TENM1: variants seen among roughly 807,000 people sequenced by gnomAD.
TENM1 encodes the protein teneurin-1.
Under a neutral mutation model 174.8 loss-of-function variants are expected in TENM1, and 35 were observed. The ratio of observed to expected loss-of-function variants is 0.20; its 90% CI spans 0.15 to 0.27. The LOEUF is 0.27. Ranked by LOEUF, TENM1 falls within the 10% of genes least tolerant of loss-of-function variation. TENM1 has a pLI of 1.00. For missense variants in TENM1, 1,633 were observed against 2,130.1 expected (o/e 0.77, Z 4.59); for synonymous variants, 781 against 798.7 (o/e 0.98, Z 0.37).
chrX:124,915,343 G>A (rs1382333501), intron 1 of TENM1, among the ~76,000 whole-genome samples: 1 of 111,766 alleles, frequency 8.9e-6, no homozygotes, highest in African/African-American at 3.3e-5. Flanking sequence ...TGGCCAACAT[G>A]GTGAAACCCT....
At chrX:124,978,748 T>C in the TENM1 span, among the ~76,000 whole-genome samples, 1 of 112,006 alleles carries the variant, frequency 8.9e-6, no homozygotes, top group Admixed American at 9.5e-5. Context: ...ACAATGGATC[T>C]GTGTGTGGGA....
chrX:124,957,456 C>T (rs1302080561), intron 1 of TENM1, among the ~76,000 whole-genome samples: 6 of 109,601 alleles, frequency 5.5e-5, no homozygotes, highest in East Asian at 2.9e-4. Flanking sequence ...TGGTGGCACA[C>T]GCCTGTAATC....
At chrX:124,774,976 A>G (rs1204382156) in intron 3 of TENM1, among the ~76,000 whole-genome samples, 1 of 111,142 alleles carries the variant, frequency 9.0e-6, no homozygotes, top group East Asian at 2.8e-4. Context: ...ACTCTAGCAC[A>G]TCTTATTCCA....
chrX:125,117,882 G>C, the TENM1 span, among the ~76,000 whole-genome samples: 1 of 111,148 alleles, frequency 9.0e-6, no homozygotes, highest in African/African-American at 3.3e-5. Flanking sequence ...TCTACCCAAA[G>C]TAAGATAAAT....
intron 3 of TENM1, among the ~76,000 whole-genome samples, chrX:124,820,592 C>T (rs992886837): frequency 8.9e-6 from 1 of 112,319 alleles, no homozygotes; most frequent in African/African-American, 3.2e-5. Context: ...GTGAACTCCT[C>T]ACACTTGTAC....
At chrX:125,172,078 A>G in the TENM1 span, among the ~76,000 whole-genome samples, 2 of 111,939 alleles carry the variant, frequency 1.8e-5, no homozygotes, top group Non-Finnish European at 3.8e-5. Context: ...AAAGAGAATT[A>G]GACAAGCATA....
intron 14 of TENM1, among the ~76,000 whole-genome samples, chrX:124,555,158 C>T (rs2048665874): frequency 9.0e-6 from 1 of 111,345 alleles, no homozygotes. Context: ...TGGCCCCTGA[C>T]TACTTTTCTA....
intron 1 of TENM1, among the ~76,000 whole-genome samples, chrX:124,896,458 C>T (rs2057564226): frequency 9.0e-6 from 1 of 111,252 alleles, no homozygotes; most frequent in Admixed American, 9.6e-5. Flanking sequence ...TTACAAGGTT[C>T]TGGAAAAAGC....
the TENM1 span, among the ~76,000 whole-genome samples, chrX:125,159,611 G>C: frequency 8.9e-6 from 1 of 112,037 alleles, no homozygotes. Context: ...GTCAGTACCT[G>C]AAAATTTTGA....
chrX:124,952,958 G>T (rs2058512923), intron 1 of TENM1, among the ~76,000 whole-genome samples: 1 of 111,678 alleles, frequency 9.0e-6, no homozygotes, highest in African/African-American at 3.3e-5. Flanking sequence ...TGAGAATATT[G>T]TCAAGGTCTC....
At position 124,440,488 on chromosome X, in the gene TENM1, C is replaced by T. The variant is rs1179770610; in HGVS notation, c.4104+12849G>A. 7.2e-5 allele frequency among the ~76,000 whole-genome samples: 8 copies of T among 111,395 alleles called. No individual in the cohort carries two copies. The Admixed American group carries it at 7.6e-4, about 11-fold the overall frequency. On this transcript the variant is annotated intron_variant, in intron 23 of 31. Transcript: ENST00000422452. ...GCCTTCATAAGGAGGAATAATTAAC[C>T]AGCTCCAAAATTCTAGTGTCAGTTT... is the stretch of plus-strand genomic sequence containing the variant.
intron 3 of TENM1, among the ~76,000 whole-genome samples, chrX:124,832,990 C>A (rs1412382080): frequency 9.0e-6 from 1 of 111,450 alleles, no homozygotes; most frequent in East Asian, 2.8e-4. Context: ...TGCATTTTGA[C>A]CATTAAGGCA....
intron 11 of TENM1, among the ~76,000 whole-genome samples, chrX:124,622,735 G>A (rs1488691712): frequency 9.0e-6 from 1 of 110,572 alleles, no homozygotes; most frequent in Non-Finnish European, 1.9e-5. Context: ...TTAATACACT[G>A]TGATATTGCT....
intron 11 of TENM1, among the ~76,000 whole-genome samples, chrX:124,574,477 A>G (rs1219338663): frequency 9.0e-6 from 1 of 111,517 alleles, no homozygotes; most frequent in Non-Finnish European, 1.9e-5. Flanking sequence ...CAAGGAAAAG[A>G]CACCTCTGAT....
chrX:124,378,279 T>C (rs1259987802), exon 32 of TENM1: 2 of 112,661 alleles, frequency 1.8e-5, no homozygotes, highest in South Asian at 3.7e-4. Context: ...CAAAAACGTA[T>C]AATTGCTTAA....
At chrX:125,055,581 T>G in the TENM1 span, among the ~76,000 whole-genome samples, 2 of 111,413 alleles carry the variant, frequency 1.8e-5, no homozygotes, top group African/African-American at 6.5e-5. Context: ...AATGAAAGAA[T>G]GGCATTTTTG....
chrX:125,050,578 T>G, the TENM1 span, among the ~76,000 whole-genome samples: 3 of 111,982 alleles, frequency 2.7e-5, no homozygotes, highest in African/African-American at 9.7e-5. Context: ...ACATTTGGGT[T>G]GGTTCCAAGT....
the TENM1 span, among the ~76,000 whole-genome samples, chrX:125,055,714 T>C: frequency 3.6e-5 from 4 of 112,025 alleles, no homozygotes; most frequent in South Asian, 1.5e-3. Flanking sequence ...GATGTCCTCA[T>C]TGAACAAGAA....
At chrX:124,503,853 A>G (rs750762758) in intron 18 of TENM1, 150 bp from the exon 22 acceptor site, 1 of 489,999 alleles carries the variant, frequency 2.0e-6, no homozygotes, top group Admixed American at 3.8e-5. Flanking sequence ...CTAGCACAGT[A>G]CAACATTGCA....
Sources: gnomAD v4.1 joint callset for allele counts (sites outside exome capture counted in the v4.1 genomes callset) on GRCh38, gnomAD v4.1.1 for gene constraint, MANE v1.5 for transcripts, NCBI Gene and HGNC (gene_info 2026-07-23, HGNC 2026-07-21) for gene names.